The following ELMOD1 variants were observed in gnomAD, a reference collection of about 807,000 sequenced individuals.
The protein encoded by ELMOD1 is ELMO domain-containing protein 1.
ELMOD1 carries 21 observed loss-of-function variants against 46.7 expected under a neutral mutation model. That is an observed-to-expected ratio of 0.45 (90% CI 0.32 to 0.65). ELMOD1 has a LOEUF of 0.65. Ranked by LOEUF, ELMOD1 falls within the 30% of genes least tolerant of loss-of-function variation. The pLI is 0.04. For synonymous variants in ELMOD1, 122 were observed against 138.2 expected (o/e 0.88, Z 0.82); for missense variants, 348 against 407.8 (o/e 0.85, Z 1.26).
chr11:107,662,597 C>T (rs1237393338), intron 11 of ELMOD1, among the ~76,000 whole-genome samples: 1 of 144,856 alleles, frequency 6.9e-6, no homozygotes, highest in Non-Finnish European at 1.5e-5. Context: ...GCAACAAGAG[C>T]GAAACTCTGT....
intron 6 of ELMOD1, among the ~76,000 whole-genome samples, chr11:107,644,112 A>AAAAAT (rs995733524): frequency 3.3e-5 from 5 of 152,036 alleles, no homozygotes; most frequent in Non-Finnish European, 5.9e-5. Context: ...GTCTCTACTA[A>AAAAAT]AAAATAAAAT....
At chr11:107,610,793 G>T (rs371501377) in intron 1 of ELMOD1, among the ~76,000 whole-genome samples, 35 of 151,888 alleles carry the variant, frequency 2.3e-4, no homozygotes, top group African/African-American at 8.2e-4. Context: ...TATCATGGCC[G>T]CCTCATTGTT....
At chr11:107,630,277 G>T in intron 2 of ELMOD1, 140 bp from the exon 3 acceptor site, 1 of 678,128 alleles carries the variant, frequency 1.5e-6, no homozygotes, top group Non-Finnish European at 2.4e-6. Context: ...AAGTAGCATG[G>T]GACTAGAAAC....
intron 2 of ELMOD1, among the ~76,000 whole-genome samples, chr11:107,620,734 C>T (rs1253083609): frequency 1.3e-5 from 2 of 152,188 alleles, no homozygotes; most frequent in African/African-American, 4.8e-5. Context: ...TGTGGTGGCA[C>T]ATGCCTGTAG....
At chr11:107,598,473 G>C (rs1025363134) in intron 1 of ELMOD1, among the ~76,000 whole-genome samples, 8 of 152,180 alleles carry the variant, frequency 5.3e-5, no homozygotes, top group African/African-American at 1.9e-4. Context: ...CACCCTCATA[G>C]GTGCACCCAG....
At chr11:107,630,832 AACT>A (rs1866123939) in intron 4 of ELMOD1, 104 bp downstream of exon 4, 14 of 1,065,202 alleles carry the variant, frequency 1.3e-5, no homozygotes, top group Non-Finnish European at 1.8e-5. Context: ...TGGCTAGGAA[AACT>A]ACTGCCAACT....
chr11:107,661,782 T>C (rs1202447886), intron 11 of ELMOD1, among the ~76,000 whole-genome samples: 1 of 152,238 alleles, frequency 6.6e-6, no homozygotes, highest in Non-Finnish European at 1.5e-5. Flanking sequence ...TCTGGTTAAA[T>C]CTGGGAGGAT....
intron 5 of ELMOD1, among the ~76,000 whole-genome samples, chr11:107,632,121 A>G (rs1866151815): frequency 6.6e-6 from 1 of 152,222 alleles, no homozygotes; most frequent in Non-Finnish European, 1.5e-5. Flanking sequence ...CCTGCTTGTC[A>G]AGAAGACAGG....
In ELMOD1 at chr11:107,630,817, A is replaced by G. The variant is rs970452431; in HGVS notation, c.192+89A>G. On this transcript the variant is annotated intron_variant, in intron 4 of 11. Coordinates refer to ENST00000265840, the MANE Select transcript of ELMOD1 (RefSeq NM_018712.4). Reference sequence around the variant, plus strand: ...TAAAAATTCTAAGAAACCAAAATATACCACTGGCTAGGAAAACTACTGCCA... The same window carrying G: ...TAAAAATTCTAAGAAACCAAAATATGCCACTGGCTAGGAAAACTACTGCCA... 3.1e-6 allele frequency: 4 copies of G among 1,305,876 alleles called. No individual in the cohort carries two copies. The African/African-American group carries it at 4.5e-5, about 15-fold the overall frequency. The allele number at this position is 1,305,876 out of a possible 1,614,324, so 80.9% of individuals were successfully genotyped here.
At chr11:107,640,277 G>A (rs564424141) in intron 6 of ELMOD1, among the ~76,000 whole-genome samples, 4 of 152,264 alleles carry the variant, frequency 2.6e-5, no homozygotes, top group East Asian at 1.9e-4. Context: ...TATTTGCTAC[G>A]TATAGTTATT....
intron 1 of ELMOD1, among the ~76,000 whole-genome samples, chr11:107,597,865 A>G (rs1865519744): frequency 6.6e-6 from 1 of 152,216 alleles, no homozygotes; most frequent in Non-Finnish European, 1.5e-5. Flanking sequence ...ATTCTAGTTC[A>G]AAATGATGAT....
chr11:107,611,428 T>C (rs1472074523), intron 1 of ELMOD1, among the ~76,000 whole-genome samples: 1 of 152,030 alleles, frequency 6.6e-6, no homozygotes, highest in Non-Finnish European at 1.5e-5. Context: ...AGGCTGGGTG[T>C]GGTGGCTCAT....
In ELMOD1 at chr11:107,599,878, C is replaced by G. The variant is rs192423352; in HGVS notation, c.-86+8469C>G. Among the ~76,000 whole-genome samples, 6 of 151,328 alleles carry G rather than the reference C, an allele frequency of 4.0e-5. No individual in the cohort carries two copies. The East Asian group carries it at 1.2e-3, about 29-fold the overall frequency. On this transcript the variant is annotated intron_variant, in intron 1 of 11. Coordinates refer to ENST00000265840, the MANE Select transcript of ELMOD1 (RefSeq NM_018712.4). ...TATAGAAATAATATGGGTTAGATAC[C>G]AAATTCCTTTTCATTGTTGTTTCAT...
At chr11:107,664,164 A>G (rs1050210125) in intron 11 of ELMOD1, among the ~76,000 whole-genome samples, 18 of 152,014 alleles carry the variant, frequency 1.2e-4, no homozygotes, top group African/African-American at 4.1e-4. Context: ...TTTTTTTAAA[A>G]CTAGGATTAC....
At chr11:107,612,048 C>CA (rs1865789789) in intron 1 of ELMOD1, among the ~76,000 whole-genome samples, 1 of 152,050 alleles carries the variant, frequency 6.6e-6, no homozygotes, top group South Asian at 2.1e-4. Flanking sequence ...AATCATTCGA[C>CA]AAAAAGACAA....
intron 11 of ELMOD1, among the ~76,000 whole-genome samples, chr11:107,659,007 C>T (rs1202621262): frequency 3.3e-5 from 5 of 152,164 alleles, no homozygotes; most frequent in Non-Finnish European, 7.3e-5. Context: ...GAAGTTTCTC[C>T]AAAGCAAATG....
intron 6 of ELMOD1, among the ~76,000 whole-genome samples, chr11:107,641,317 G>GTA (rs35650343): frequency 0.028 from 4,222 of 149,626 alleles, 98 homozygotes; most frequent in South Asian, 0.092. Flanking sequence ...AAAAAAATAA[G>GTA]TATATATATA....
chr11:107,660,161 T>G (rs1280375400), intron 11 of ELMOD1, among the ~76,000 whole-genome samples: 1 of 152,126 alleles, frequency 6.6e-6, no homozygotes, highest in Non-Finnish European at 1.5e-5. Flanking sequence ...ATTCTTGCAA[T>G]TACCTGTGTC....
chr11:107,611,704 CAAAA>C (rs71470853), intron 1 of ELMOD1, among the ~76,000 whole-genome samples: 1 of 55,790 alleles, frequency 1.8e-5, no homozygotes, highest in Non-Finnish European at 3.2e-5. Context: ...GACTCCATCT[CAAAA>C]AAAAAAAAAA....
Sources: allele counts gnomAD v4.1 joint callset (sites outside exome capture counted in the v4.1 genomes callset), GRCh38; gene constraint gnomAD v4.1.1; transcripts MANE v1.5; gene names NCBI Gene and HGNC (gene_info 2026-07-23, HGNC 2026-07-21).